Variants in CPPED1 observed in about 807,000 individuals in gnomAD.
The protein encoded by CPPED1 is serine/threonine-protein phosphatase CPPED1.
A neutral mutation model predicts 28.0 loss-of-function variants in CPPED1; 28 were observed. The ratio of observed to expected loss-of-function variants is 1.00; its 90% CI spans 0.74 to 1.37. The LOEUF (loss-of-function observed/expected upper bound fraction) is 1.37. CPPED1 is among the 40% of genes most tolerant of loss of function. CPPED1 has a pLI of 0.00. For synonymous variants in CPPED1, 198 were observed against 180.2 expected (o/e 1.10, Z -0.79); for missense variants, 504 against 416.5 (o/e 1.21, Z -1.83).
chr16:12,725,458 G>C (rs1052390770), intron 2 of CPPED1, among the ~76,000 whole-genome samples: 2 of 152,138 alleles, frequency 1.3e-5, no homozygotes, highest in Non-Finnish European at 2.9e-5. Context: ...TACAAGATAG[G>C]CTTTTATTTT....
At chr16:12,752,552 T>C (rs1410834743) in intron 2 of CPPED1, among the ~76,000 whole-genome samples, 1 of 150,920 alleles carries the variant, frequency 6.6e-6, no homozygotes, top group African/African-American at 2.4e-5. Flanking sequence ...AAGTCTATCC[T>C]GGCAGGTAAA....
chr16:12,730,127 G>T (rs1200407303), intron 2 of CPPED1, among the ~76,000 whole-genome samples: 4 of 152,140 alleles, frequency 2.6e-5, no homozygotes, highest in Non-Finnish European at 5.9e-5. Context: ...CTCCCGAGTT[G>T]CTGGGATTAC....
rs1310678778 is a variant in CPPED1, at chr16:12,709,231, T to G, written c.290-4182A>C. On this transcript the variant is annotated intron_variant, in intron 2 of 3. Transcript: ENST00000381774. The surrounding 1 kb of genome is among the most constrained non-coding windows in gnomAD (Gnocchi z 4.4). ...TCTATGTTCACAAAAAGAATGTATA[T>G]AAAGGACAGGAAGAAAGGCAGGGAA... 2.0e-5 allele frequency among the ~76,000 whole-genome samples: 3 copies of G among 151,986 alleles called. No homozygotes were observed. The East Asian group carries it at 5.8e-4, about 29-fold the overall frequency.
At chr16:12,782,316 A>C (rs867650783) in intron 1 of CPPED1, among the ~76,000 whole-genome samples, 15 of 152,190 alleles carry the variant, frequency 9.9e-5, no homozygotes, top group African/African-American at 2.9e-4. Flanking sequence ...TGACAGACCA[A>C]TGTTGAAAAA....
intron 2 of CPPED1, among the ~76,000 whole-genome samples, chr16:12,734,318 C>T (rs928049909): frequency 6.6e-6 from 1 of 151,994 alleles, no homozygotes; most frequent in African/African-American, 2.4e-5. Flanking sequence ...GATCTGCCCA[C>T]CTCGGCCTCC....
chr16:12,733,706 A>C (rs944245505), intron 2 of CPPED1, among the ~76,000 whole-genome samples: 2 of 152,220 alleles, frequency 1.3e-5, no homozygotes, highest in Non-Finnish European at 2.9e-5. Context: ...TAAGATCTAG[A>C]AACATCAACA....
chr16:12,700,617 C>A (rs924860521), intron 3 of CPPED1, among the ~76,000 whole-genome samples: 1 of 152,230 alleles, frequency 6.6e-6, no homozygotes, highest in African/African-American at 2.4e-5. Context: ...GTCTTGAACT[C>A]CTGACTTCAG....
At chr16:12,702,135 G>C (rs2080023864) in intron 3 of CPPED1, among the ~76,000 whole-genome samples, 1 of 152,146 alleles carries the variant, frequency 6.6e-6, no homozygotes, top group Admixed American at 6.5e-5. Context: ...TGGTTTGCCA[G>C]CAACTCTGGT....
intron 3 of CPPED1, among the ~76,000 whole-genome samples, chr16:12,667,580 C>T (rs2079832416): frequency 1.3e-5 from 2 of 152,036 alleles, no homozygotes; most frequent in Non-Finnish European, 2.9e-5. Context: ...GTAGCAAGAC[C>T]CCATCTCTAT....
chr16:12,739,654 C>T (rs974753701), intron 2 of CPPED1, among the ~76,000 whole-genome samples: 3 of 152,158 alleles, frequency 2.0e-5, no homozygotes, highest in African/African-American at 4.8e-5. Flanking sequence ...GTAGGCTAAC[C>T]TCTCTCTCAT....
intron 1 of CPPED1, among the ~76,000 whole-genome samples, chr16:12,800,239 G>C (rs1267617230): frequency 6.6e-6 from 1 of 152,186 alleles, no homozygotes; most frequent in Non-Finnish European, 1.5e-5. Context: ...AGGAGTCCCA[G>C]ACCAGCCTGG....
rs1464472870 is a variant in CPPED1, at chr16:12,659,997, C to A, written c.*4889G>T. ...TATCACAAGAATAGCATGGGAGAAA[C>A]TGCCTCCATGATCCAATTACCTCCC... On this transcript the variant is annotated 3_prime_UTR_variant, in exon 4 of 4. Transcript: ENST00000381774. 1.3e-5 allele frequency: 2 copies of A among 152,336 alleles called. No individual in the cohort carries two copies. The highest frequency in any genetic ancestry group is 3.9e-4 in the East Asian group (2 of 5,186). The allele number at this position is 152,336 out of a possible 1,614,324, so 9.4% of individuals were successfully genotyped here. A position where few individuals can be genotyped will look rare whatever the true frequency, so the allele number is the denominator to read the frequency against.
rs372123199 is a variant in CPPED1, at chr16:12,663,426, C to T, written c.*1460G>A. 6.6e-6 allele frequency: 1 copy of T among 152,180 alleles called. No homozygotes were observed. The highest frequency in any genetic ancestry group is 2.4e-5 in the African/African-American group (1 of 41,452). 9.4% of individuals were successfully genotyped at this position (152,180 alleles called of 1,614,324 possible). On this transcript the variant is annotated 3_prime_UTR_variant, in exon 4 of 4. Coordinates refer to ENST00000381774, the MANE Select transcript of CPPED1 (RefSeq NM_018340.3). ...CTTTTCTTGACCTCCTATACCTACA[C>T]CTGTTGTAAAGAAACAAATACAAAA...
In CPPED1 at chr16:12,792,497, C is replaced by T. The variant is rs548758556; in HGVS notation, c.71-11094G>A. On this transcript the variant is annotated intron_variant, in intron 1 of 3. Transcript: ENST00000381774. ...CAACAATGCTGGGGGGTTGAAAAACCCTGTTTAAGACATACCACAGGAATC... is the reference window on the plus strand; with the variant it reads ...CAACAATGCTGGGGGGTTGAAAAACTCTGTTTAAGACATACCACAGGAATC... Among the ~76,000 whole-genome samples, 4 of 152,184 alleles carry T rather than the reference C, an allele frequency of 2.6e-5. No individual in the cohort carries two copies. The South Asian group carries it at 8.3e-4, about 32-fold the overall frequency.
intron 2 of CPPED1, among the ~76,000 whole-genome samples, chr16:12,778,320 A>G (rs1239671603): frequency 7.7e-6 from 1 of 129,266 alleles, no homozygotes; most frequent in East Asian, 2.2e-4. Flanking sequence ...TCTGCTGCCC[A>G]GGCTGGAGTG....
rs1296437289 is a variant in CPPED1, at chr16:12,801,183, T to C, written c.70+2524A>G. Among the ~76,000 whole-genome samples the C allele has an allele frequency of 2.0e-5, 3 of 152,212 alleles. No individual in the cohort carries two copies. In the East Asian group the frequency reaches 5.8e-4, roughly 29 times the overall value. ...TTCTCGGCTCACTGCAACTTCTGCTTCCCAGGCTCAGGCAATTCTCCTGCC... is the reference window on the plus strand; with the variant it reads ...TTCTCGGCTCACTGCAACTTCTGCTCCCCAGGCTCAGGCAATTCTCCTGCC... On this transcript the variant is annotated intron_variant, in intron 1 of 3. Transcript: ENST00000381774.
intron 2 of CPPED1, among the ~76,000 whole-genome samples, chr16:12,708,261 G>A (rs1420011957): frequency 1.3e-5 from 2 of 152,170 alleles, no homozygotes; most frequent in South Asian, 2.1e-4. Flanking sequence ...CTGAGGTGGA[G>A]TGAGTGTGCC....
intron 1 of CPPED1, among the ~76,000 whole-genome samples, chr16:12,796,943 G>GTTCAAGC (rs1371574413): frequency 1.3e-5 from 2 of 152,192 alleles, no homozygotes; most frequent in Non-Finnish European, 2.9e-5. Flanking sequence ...CAAAGTATTG[G>GTTCAAGC]TTCAAGCTAC....
chr16:12,801,718 G>A (rs2080660839), intron 1 of CPPED1, among the ~76,000 whole-genome samples: 2 of 152,184 alleles, frequency 1.3e-5, no homozygotes, highest in Admixed American at 1.3e-4. Context: ...CATTGTATTA[G>A]TCAGGATCCT....
Sources: allele counts gnomAD v4.1 joint callset (sites outside exome capture counted in the v4.1 genomes callset), GRCh38; gene constraint gnomAD v4.1.1; non-coding constraint Gnocchi (gnomAD v3.1); transcripts MANE v1.5; gene names NCBI Gene and HGNC (gene_info 2026-07-23, HGNC 2026-07-21).